The following FNDC3B variants were observed in gnomAD, a reference collection of about 807,000 sequenced individuals.
FNDC3B encodes the protein fibronectin type III domain-containing protein 3B.
Under a neutral mutation model 151.5 loss-of-function variants are expected in FNDC3B, and 12 were observed. That is an observed-to-expected ratio of 0.08 (90% CI 0.05 to 0.13). The LOEUF is 0.13. Ranked by LOEUF, FNDC3B falls within the 10% of genes least tolerant of loss-of-function variation. FNDC3B has a pLI of 1.00. For synonymous variants in FNDC3B, 528 were observed against 549.0 expected, an observed-to-expected ratio of 0.96 and a Z score of 0.54; for missense variants, 1,214 against 1,505.3, an observed-to-expected ratio of 0.81 and a Z score of 3.20.
intron 2 of FNDC3B, among the ~76,000 whole-genome samples, chr3:172,121,457 A>C (rs936177908): frequency 6.6e-6 from 1 of 152,182 alleles, no homozygotes; most frequent in Non-Finnish European, 1.5e-5. Context: ...GAGGCCCCCA[A>C]TAAGTGCCGC....
At chr3:172,254,780 C>G (rs1728248397) in intron 6 of FNDC3B, among the ~76,000 whole-genome samples, 1 of 152,128 alleles carries the variant, frequency 6.6e-6, no homozygotes, top group South Asian at 2.1e-4. Context: ...TTCTTGCACT[C>G]CCTTGGAGCT....
intron 6 of FNDC3B, among the ~76,000 whole-genome samples, chr3:172,275,133 C>T (rs1409556088): frequency 6.6e-6 from 1 of 152,146 alleles, no homozygotes; most frequent in Non-Finnish European, 1.5e-5. Context: ...GGTTTATACA[C>T]CTCAGCTGTT....
intron 2 of FNDC3B, among the ~76,000 whole-genome samples, chr3:172,113,600 A>G (rs979116643): frequency 6.6e-6 from 1 of 152,174 alleles, no homozygotes; most frequent in South Asian, 2.1e-4. Flanking sequence ...ATGTCTTCTC[A>G]CCACTGATGC....
intron 3 of FNDC3B, among the ~76,000 whole-genome samples, chr3:172,147,816 G>A (rs1262470357): frequency 2.0e-5 from 3 of 152,098 alleles, no homozygotes; most frequent in African/African-American, 7.2e-5. Flanking sequence ...GGTATTTACA[G>A]AAGTTGTACC....
intron 3 of FNDC3B, among the ~76,000 whole-genome samples, chr3:172,143,979 C>A (rs1721774039): frequency 6.6e-6 from 1 of 151,866 alleles, no homozygotes; most frequent in South Asian, 2.1e-4. Flanking sequence ...TCGTGCTTGT[C>A]AGTGTTTGCA....
intron 15 of FNDC3B, 47 bp downstream of exon 15, chr3:172,335,129 G>C (rs777556989): frequency 1.5e-6 from 2 of 1,311,168 alleles, no homozygotes; most frequent in African/African-American, 3.3e-5. Flanking sequence ...TTTTTCTTTT[G>C]ATAGATTTTT....
intron 25 of FNDC3B, among the ~76,000 whole-genome samples, chr3:172,382,241 CAT>C (rs781228724): frequency 6.6e-6 from 1 of 152,136 alleles, no homozygotes; most frequent in Non-Finnish European, 1.5e-5. Flanking sequence ...AGCTTTTTTT[CAT>C]ATGTTTGTTG....
intron 23 of FNDC3B, among the ~76,000 whole-genome samples, chr3:172,364,314 C>A (rs1289041018): frequency 3.9e-5 from 6 of 152,192 alleles, no homozygotes; most frequent in African/African-American, 1.4e-4. Flanking sequence ...TTTTAAATGT[C>A]TTTTCATTTT....
intron 3 of FNDC3B, among the ~76,000 whole-genome samples, chr3:172,219,410 C>T (rs1329380941): frequency 1.3e-5 from 2 of 152,146 alleles, no homozygotes; most frequent in African/African-American, 2.4e-5. Flanking sequence ...GTTAGTAACC[C>T]CAGTTTTACT....
intron 15 of FNDC3B, chr3:172,335,289 A>G (rs1050638723): frequency 4.7e-6 from 2 of 429,274 alleles, no homozygotes; most frequent in African/African-American, 4.1e-5. Flanking sequence ...ATCGTAATGG[A>G]CAATTAAATT....
intron 9 of FNDC3B, among the ~76,000 whole-genome samples, chr3:172,299,924 G>T (rs73033108): frequency 0.013 from 1,915 of 152,278 alleles, 38 homozygotes; most frequent in East Asian, 0.046. Context: ...TGTGCGTTGA[G>T]GATGTAATAT....
At chr3:172,365,255 A>G (rs1202559456) in intron 23 of FNDC3B, among the ~76,000 whole-genome samples, 1 of 152,176 alleles carries the variant, frequency 6.6e-6, no homozygotes, top group Non-Finnish European at 1.5e-5. Flanking sequence ...CCCAAGGGGC[A>G]GCTGTCTTTT....
intron 1 of FNDC3B, among the ~76,000 whole-genome samples, chr3:172,097,940 G>C (rs1228097772): frequency 3.3e-5 from 5 of 151,996 alleles, no homozygotes; most frequent in Non-Finnish European, 4.4e-5. Context: ...TAGATTAGTA[G>C]AACTGGCAGG....
intron 2 of FNDC3B, among the ~76,000 whole-genome samples, chr3:172,124,152 G>A (rs1012722221): frequency 7.9e-5 from 12 of 151,930 alleles, no homozygotes; most frequent in African/African-American, 2.7e-4. Context: ...GTGCAATGGC[G>A]CGATCTCAGC....
chr3:172,156,878 G>A (rs541120615), intron 3 of FNDC3B, among the ~76,000 whole-genome samples: 10 of 152,050 alleles, frequency 6.6e-5, no homozygotes, highest in East Asian at 1.9e-4. Flanking sequence ...ATCAGATTAC[G>A]GACTATCAGA....
chr3:172,130,104 A>C lies in FNDC3B; in HGVS notation c.112-3367A>C, dbSNP rs1720996766. On this transcript the variant is annotated intron_variant, in intron 2 of 25. Transcript: ENST00000415807. The stretch of plus-strand genomic sequence containing the variant: ...CATGCTCCTCGGGGCTGCGTGATGC[A>C]AGACCTTTTGCCGCCAGCTCATTCA... Among the ~76,000 whole-genome samples, 6 of 152,252 alleles carry C rather than the reference A, an allele frequency of 3.9e-5. No individual in the cohort carries two copies. The South Asian group carries it at 1.2e-3, about 32-fold the overall frequency.
rs573793260 is a variant in FNDC3B at position 172,273,366 on chromosome 3, GA to G, written c.791-12553del. ...TTCTACTAGAAATTCCTGTGTCATA[GA>G]AAAAAAGTCCCCTAAAGCCACCTTC... On this transcript the variant is annotated intron_variant, in intron 6 of 25. Coordinates refer to ENST00000415807, the MANE Select transcript of FNDC3B (RefSeq NM_022763.4). Among the ~76,000 whole-genome samples, 548 of 152,200 alleles carry G rather than the reference GA, an allele frequency of 3.6e-3. 5 individuals carry two copies. Among genetic ancestry groups the G allele is most frequent in the South Asian group, 3.1e-3 (15 of 4,812 alleles).
intron 23 of FNDC3B, among the ~76,000 whole-genome samples, chr3:172,364,438 G>A (rs1053225946): frequency 2.6e-5 from 4 of 152,212 alleles, no homozygotes; most frequent in African/African-American, 9.7e-5. Flanking sequence ...AGCTAGCTGA[G>A]TTGGGATAAA....
chr3:172,261,964 G>A (rs188952792), intron 6 of FNDC3B, among the ~76,000 whole-genome samples: 132 of 152,258 alleles, frequency 8.7e-4, no homozygotes, highest in Non-Finnish European at 1.0e-3. Context: ...GTCATGGTGG[G>A]GATGATTTGC....
Sources: gnomAD v4.1 joint callset for allele counts (sites outside exome capture counted in the v4.1 genomes callset) on GRCh38, gnomAD v4.1.1 for gene constraint, MANE v1.5 for transcripts, NCBI Gene and HGNC (gene_info 2026-07-23, HGNC 2026-07-21) for gene names.